Variants in MRAP observed in about 807,000 individuals in gnomAD.
The protein encoded by MRAP is melanocortin 2 receptor accessory protein.
A neutral mutation model predicts 8.7 loss-of-function variants in MRAP; 8 were observed. The ratio of observed to expected loss-of-function variants is 0.92; its 90% CI spans 0.54 to 1.66. The LOEUF is 1.66. MRAP is among the 40% of genes most tolerant of loss of function. MRAP has a pLI of 0.00. For missense variants in MRAP, 237 were observed against 217.1 expected (o/e 1.09, Z -0.58); for synonymous variants, 95 against 95.5 (o/e 1.00, Z 0.03).
downstream of MRAP, chr21:32,312,326 C>A (rs1387271521): frequency 1.6e-6 from 2 of 1,264,336 alleles, no homozygotes; most frequent in Admixed American, 6.7e-5. Flanking sequence ...TGCCACTTTA[C>A]CATTACTGTG....
intron 2 of MRAP, 56 bp from the exon 3 acceptor site, chr21:32,311,628 T>C (rs2032574426): frequency 6.3e-7 from 1 of 1,594,308 alleles, no homozygotes; most frequent in African/African-American, 1.3e-5. Context: ...AGCCCCACAG[T>C]ATGGACTGTT....
chr21:32,309,351 G>A (rs571556000), intron 2 of MRAP, among the ~76,000 whole-genome samples: 1 of 152,126 alleles, frequency 6.6e-6, no homozygotes, highest in Non-Finnish European at 1.5e-5. Context: ...TGCCTGCCCT[G>A]CCCGTGGTGT....
chr21:32,298,498 A>G (rs567263820), upstream of MRAP, among the ~76,000 whole-genome samples: 3 of 152,322 alleles, frequency 2.0e-5, no homozygotes, highest in African/African-American at 7.2e-5. Flanking sequence ...GTTGCTCAAT[A>G]GCATCCAGAA....
At chr21:32,306,803 G>A (rs1312116037) in intron 2 of MRAP, 64 bp downstream of exon 2, 113 of 1,278,412 alleles carry the variant, frequency 8.8e-5, no homozygotes, top group Admixed American at 1.7e-5. Context: ...AACAGTGCAG[G>A]TTGAGTATCC....
chr21:32,313,171 G>C (rs2032620534), downstream of MRAP: 1 of 152,312 alleles, frequency 6.6e-6, no homozygotes, highest in African/African-American at 2.4e-5. Context: ...GGCAGCTTAG[G>C]CCTGGAGCCA....
chr21:32,308,274 A>C (rs1601107017), intron 2 of MRAP, among the ~76,000 whole-genome samples: 1 of 152,166 alleles, frequency 6.6e-6, no homozygotes, highest in East Asian at 1.9e-4. Flanking sequence ...GCTACTCGTG[A>C]GGCCAAGCAG....
chr21:32,310,892 G>C (rs1248203918), intron 2 of MRAP: 3 of 152,218 alleles, frequency 2.0e-5, no homozygotes, highest in Non-Finnish European at 4.4e-5. Flanking sequence ...TGATCCACCT[G>C]CCTCTGCCTC....
exon 1 of MRAP, chr21:32,291,845 T>A (rs1716433450): frequency 6.6e-6 from 1 of 152,120 alleles, no homozygotes; most frequent in African/African-American, 2.4e-5. Flanking sequence ...GTGTGTGGGC[T>A]GGAGGTATAT....
At chr21:32,312,322 T>C (rs1425562954), downstream of MRAP, 4 of 1,274,338 alleles carry the variant, frequency 3.1e-6, no homozygotes, top group Admixed American at 3.3e-5. Flanking sequence ...ACTATGCCAC[T>C]TTACCATTAC....
chr21:32,300,675 ATG>A (rs767128171), intron 1 of MRAP, among the ~76,000 whole-genome samples: 14 of 122,392 alleles, frequency 1.1e-4, no homozygotes, highest in South Asian at 2.8e-4. Flanking sequence ...CCTATGTCGG[ATG>A]TGTCACGCGT....
intron 2 of MRAP, chr21:32,293,276 C>T (rs1353257039): frequency 2.0e-5 from 3 of 151,998 alleles, no homozygotes; most frequent in Non-Finnish European, 4.4e-5. Context: ...CTGGCAACAC[C>T]TTGTTTGAGT....
At chr21:32,304,319 C>A (rs1209121217) in intron 1 of MRAP, among the ~76,000 whole-genome samples, 1 of 152,044 alleles carries the variant, frequency 6.6e-6, no homozygotes, top group Admixed American at 6.5e-5. Flanking sequence ...AGGCTTCTTT[C>A]AAAAATCCTT....
At chr21:32,300,466 TATGTC>T (rs1334275278) in intron 1 of MRAP, among the ~76,000 whole-genome samples, 1 of 150,374 alleles carries the variant, frequency 6.7e-6, no homozygotes, top group Admixed American at 6.6e-5. Context: ...TCACACGTCT[TATGTC>T]AGGGGCGCCA....
Position 32,311,803 on chromosome 21 carries a change from G to A in MRAP, c.326G>A (p.Ser109Asn). 2 of 1,614,060 alleles carry A rather than the reference G, an allele frequency of 1.2e-6. No individual in the cohort carries two copies. The highest frequency in any genetic ancestry group is 1.7e-6 in the Non-Finnish European group (2 of 1,180,036). ...CTGGCAACCTCACAGGCTCAGGCGA[G>A]CTCAGTGGAGCCAGGGAGCAGAACT... ...EPLATSQAQASSVEPGSRTGP... is the reference protein window; with the variant it reads ...EPLATSQAQANSVEPGSRTGP... The change falls in exon 3 of 3, where the codon AGC becomes AAC. Residue 109 changes from serine (S) to asparagine (N), a missense_variant. Ser to Asn is a conservative substitution (Grantham distance 46, BLOSUM62 1). Transcript: ENST00000303645.
intron 1 of MRAP, among the ~76,000 whole-genome samples, chr21:32,302,979 C>CGT (rs367631855): frequency 8.0e-6 from 1 of 124,282 alleles, no homozygotes; most frequent in Non-Finnish European, 1.6e-5. Flanking sequence ...CCCCAATTCC[C>CGT]TTTTTTTTTT....
chr21:32,292,042 G>C (rs1158114536), intron 1 of MRAP, among the ~76,000 whole-genome samples: 1 of 151,946 alleles, frequency 6.6e-6, no homozygotes, highest in Non-Finnish European at 1.5e-5. Context: ...CCCAATTTGA[G>C]CAAATTAACT....
chr21:32,314,465 G>A (rs1332769555), downstream of MRAP: 8 of 1,278,660 alleles, frequency 6.3e-6, no homozygotes, highest in East Asian at 2.3e-5. Flanking sequence ...GATTATAGGC[G>A]TGAGCCACCT....
chr21:32,299,644 A>G (rs946727015), intron 1 of MRAP, among the ~76,000 whole-genome samples: 2 of 152,120 alleles, frequency 1.3e-5, no homozygotes, highest in Non-Finnish European at 2.9e-5. Flanking sequence ...ATATTCTTTT[A>G]AAGATAGATT....
At position 32,312,138 on chromosome 21, in the gene MRAP, T is replaced by C; in HGVS notation, c.*142T>C. 6.5e-7 allele frequency: 1 copy of C among 1,538,152 alleles called. No homozygotes were observed. ...AAGTGCAACTAGAGCAGGAGCATCC[T>C]ATGCCTTTGACAAAGATTGCAGTGG... On this transcript the variant is annotated 3_prime_UTR_variant, in exon 3 of 3. Transcript: ENST00000303645.
Sources: gnomAD v4.1 joint callset for allele counts (sites outside exome capture counted in the v4.1 genomes callset) on GRCh38, gnomAD v4.1.1 for gene constraint, MANE v1.5 for transcripts, NCBI Gene and HGNC (gene_info 2026-07-23, HGNC 2026-07-21) for gene names.